The following RBFOX1 variants were observed in gnomAD, a reference collection of about 807,000 sequenced individuals.
RBFOX1 encodes RNA binding protein fox-1 homolog 1.
RBFOX1 carries 8 observed loss-of-function variants against 57.7 expected under a neutral mutation model. The observed-to-expected ratio is 0.14, with a 90% CI of 0.08 to 0.25. RBFOX1 has a LOEUF of 0.25. Among genes scored for constraint, RBFOX1 ranks in the 10% least tolerant of loss-of-function variants. RBFOX1 has a pLI of 1.00. For synonymous variants in RBFOX1, 326 were observed against 222.4 expected (o/e 1.47, Z -4.15); for missense variants, 611 against 548.5 (o/e 1.11, Z -1.14).
At chr16:5,282,607 A>T (rs1596384355) in intron 1 of RBFOX1, among the ~76,000 whole-genome samples, 1 of 151,966 alleles carries the variant, frequency 6.6e-6, no homozygotes, top group South Asian at 2.1e-4. Context: ...TGTTTTAGCA[A>T]AGAGACTGGT....
At chr16:6,460,983 C>G (rs1343944153) in intron 2 of RBFOX1, among the ~76,000 whole-genome samples, 1 of 152,132 alleles carries the variant, frequency 6.6e-6, no homozygotes, top group East Asian at 1.9e-4. Flanking sequence ...AAGCCATTAC[C>G]TTAGCAAACT....
chr16:5,735,352 T>G (rs1866263494), intron 3 of RBFOX1, among the ~76,000 whole-genome samples: 1 of 152,204 alleles, frequency 6.6e-6, no homozygotes, highest in Non-Finnish European at 1.5e-5. Flanking sequence ...TTGCCTGAAT[T>G]CATTCTTCTC....
intron 3 of RBFOX1, among the ~76,000 whole-genome samples, chr16:5,830,317 A>G (rs188860571): frequency 9.2e-5 from 14 of 151,584 alleles, no homozygotes; most frequent in Admixed American, 4.6e-4. Flanking sequence ...AGGCAATCCA[A>G]TTGTCTAACA....
At chr16:5,823,839 C>T (rs1172060042) in intron 3 of RBFOX1, among the ~76,000 whole-genome samples, 1 of 152,168 alleles carries the variant, frequency 6.6e-6, no homozygotes, top group East Asian at 1.9e-4. Context: ...TTCTACATTA[C>T]AGCAAGTTGT....
intron 4 of RBFOX1, among the ~76,000 whole-genome samples, chr16:7,194,153 T>C (rs917997517): frequency 6.6e-6 from 1 of 152,180 alleles, no homozygotes; most frequent in Admixed American, 6.5e-5. Context: ...GGTACTAGAG[T>C]GTCTTAAACA....
chr16:6,782,160 C>G (rs1417875492), intron 3 of RBFOX1, among the ~76,000 whole-genome samples: 5 of 152,142 alleles, frequency 3.3e-5, no homozygotes, highest in Non-Finnish European at 7.4e-5. Flanking sequence ...GCATGCACCA[C>G]CACACCCAGC....
intron 3 of RBFOX1, among the ~76,000 whole-genome samples, chr16:6,839,193 C>G (rs913954739): frequency 1.3e-5 from 2 of 150,576 alleles, no homozygotes; most frequent in Non-Finnish European, 3.0e-5. Context: ...CCATGTTGGC[C>G]AGGCTGTTCT....
Position 5,339,470 on chromosome 16 carries a change from G to GTTTTTTTTTTTTTTTTTT in RBFOX1, c.219+99378_219+99395dup, listed in dbSNP as rs560472298. ...AAAAGCTAGAAGCTGCTTTTTCCGT[G>GTTTTTTTTTTTTTTTTTT]TTTTTTTTTTTTTTTTTTTTTTTTT... On this transcript the variant is annotated intron_variant, in intron 1 of 2. Transcript: ENST00000585867. Among the ~76,000 whole-genome samples the GTTTTTTTTTTTTTTTTTT allele has an allele frequency of 4.1e-3, 166 of 40,888 alleles. 58 individuals carry two copies. The highest frequency in any genetic ancestry group is 6.8e-3 in the East Asian group (8 of 1,184). 26.8% of individuals were successfully genotyped at this position (40,888 alleles called of 152,430 possible).
At chr16:5,935,841 G>C (rs550371783) in intron 4 of RBFOX1, among the ~76,000 whole-genome samples, 5 of 152,142 alleles carry the variant, frequency 3.3e-5, no homozygotes, top group Non-Finnish European at 4.4e-5. Flanking sequence ...GGGTGGTCAT[G>C]GTTCTAAATG....
At chr16:5,475,330 G>A (rs1045984851) in intron 2 of RBFOX1, among the ~76,000 whole-genome samples, 1 of 152,084 alleles carries the variant, frequency 6.6e-6, no homozygotes, top group Non-Finnish European at 1.5e-5. Context: ...GTCTACATTC[G>A]ATTTAAGTTG....
At chr16:5,817,756 G>A (rs1362155472) in intron 3 of RBFOX1, among the ~76,000 whole-genome samples, 1 of 150,480 alleles carries the variant, frequency 6.6e-6, no homozygotes, top group Non-Finnish European at 1.5e-5. Flanking sequence ...GTACAGTGGC[G>A]CAGTCTGGGC....
At chr16:6,845,234 C>T (rs567659884) in intron 3 of RBFOX1, among the ~76,000 whole-genome samples, 27 of 151,304 alleles carry the variant, frequency 1.8e-4, no homozygotes, top group Admixed American at 1.3e-3. Flanking sequence ...TTGGCATTTT[C>T]GTTATGAATC....
At chr16:6,853,818 A>C (rs964943798) in intron 3 of RBFOX1, among the ~76,000 whole-genome samples, 2 of 152,320 alleles carry the variant, frequency 1.3e-5, no homozygotes, top group Admixed American at 1.3e-4. Flanking sequence ...TTCCTCCCCA[A>C]CGGATGACTG....
chr16:6,535,083 G>A (rs1311436698), intron 2 of RBFOX1, among the ~76,000 whole-genome samples: 1 of 152,204 alleles, frequency 6.6e-6, no homozygotes, highest in East Asian at 1.9e-4. Flanking sequence ...TGGGACCATG[G>A]TTGGGATGAG....
chr16:7,224,411 C>G, intron 4 of RBFOX1, among the ~76,000 whole-genome samples: 1 of 152,212 alleles, frequency 6.6e-6, no homozygotes, highest in East Asian at 1.9e-4. Context: ...CTTGCCATCA[C>G]CCTTGGCCTA....
At chr16:7,102,670 C>T (rs1039818546) in intron 4 of RBFOX1, among the ~76,000 whole-genome samples, 10 of 152,138 alleles carry the variant, frequency 6.6e-5, no homozygotes, top group Admixed American at 5.9e-4. Flanking sequence ...GAACATTTCT[C>T]GCTAATCTTG....
At chr16:7,436,689 G>C (rs1166854756) in intron 4 of RBFOX1, among the ~76,000 whole-genome samples, 2 of 152,182 alleles carry the variant, frequency 1.3e-5, no homozygotes, top group African/African-American at 2.4e-5. Context: ...CTGAGCTCCA[G>C]CTCCTGGTGT....
chr16:5,515,439 G>A (rs1206007286), intron 2 of RBFOX1, among the ~76,000 whole-genome samples: 1 of 152,210 alleles, frequency 6.6e-6, no homozygotes, highest in East Asian at 1.9e-4. Context: ...GTGAAGAGGT[G>A]TTTTGTCCTC....
chr16:7,120,204 C>T (rs1164923846), intron 4 of RBFOX1, among the ~76,000 whole-genome samples: 1 of 151,972 alleles, frequency 6.6e-6, no homozygotes, highest in African/African-American at 2.4e-5. Flanking sequence ...GAGGGAAATA[C>T]ATAATGCTAA....
Sources: gnomAD v4.1 joint callset for allele counts (sites outside exome capture counted in the v4.1 genomes callset) on GRCh38, gnomAD v4.1.1 for gene constraint, MANE v1.5 for transcripts, NCBI Gene and HGNC (gene_info 2026-07-23, HGNC 2026-07-21) for gene names.